DMTF1: variants seen among roughly 807,000 people sequenced by gnomAD.
DMTF1 encodes the protein cyclin D binding myb like transcription factor 1.
In DMTF1, 39 loss-of-function variants were observed where a neutral mutation model predicts 91.1. The observed-to-expected ratio is 0.43, with a 90% CI of 0.33 to 0.56. The LOEUF (loss-of-function observed/expected upper bound fraction) is 0.56. Among genes scored for constraint, DMTF1 ranks in the 20% least tolerant of loss-of-function variants. DMTF1 has a pLI of 0.05. For missense variants in DMTF1, 750 were observed against 914.5 expected, an observed-to-expected ratio of 0.82 and a Z score of 2.32; for synonymous variants, 338 against 309.5, an observed-to-expected ratio of 1.09 and a Z score of -0.97.
At position 87,181,351 on chromosome 7, in the gene DMTF1, A is replaced by C; in HGVS notation, c.710+10A>C. 8.0e-7 allele frequency: 1 copy of C among 1,243,570 alleles called. No homozygotes were observed. Among genetic ancestry groups the C allele is most frequent in the Admixed American group, 2.1e-5 (1 of 47,394 alleles). The allele number at this position is 1,243,570 out of a possible 1,614,324, so 77.0% of individuals were successfully genotyped here. On this transcript the variant is annotated intron_variant, in intron 9 of 17. Transcript: ENST00000331242. ...TTGAGAAGCTCAAGGAGTAAGTTTT[A>C]AAGTTTTTTTCATTAATTCTAATTT... is the stretch of plus-strand genomic sequence containing the variant.
In DMTF1 at chr7:87,174,664, C is replaced by G. The variant is rs1324514120; in HGVS notation, c.514C>G (p.Leu172Val). The part of the protein sequence containing the change: ...DILMNNIERY[L>V]KARGIKDATE... ...TTTGATGAACAATATTGAACGCTAT[C>G]TTAAGGTATCTTATGGCATATTTTT... is the stretch of plus-strand genomic sequence containing the variant. The change falls in exon 7 of 18, where the codon CTT becomes GTT. Residue 172 changes from leucine (L) to valine (V), a missense_variant. By Grantham distance (32) the Leu-to-Val change is conservative. Around this residue, in one of 3 missense-constraint regions of DMTF1, gnomAD observed 190 missense variants for 343.8 expected, o/e 0.55. Coordinates refer to ENST00000331242, the MANE Select transcript of DMTF1 (RefSeq NM_001142327.2). The G allele has an allele frequency of 6.3e-7, 1 of 1,598,826 alleles. No individual in the cohort carries two copies. Among genetic ancestry groups the G allele is most frequent in the East Asian group, 2.3e-5 (1 of 44,432 alleles).
At chr7:87,157,128 A>C (rs73206908) in intron 1 of DMTF1, among the ~76,000 whole-genome samples, 5,608 of 152,218 alleles carry the variant, frequency 0.037, 126 homozygotes, top group East Asian at 0.065. Context: ...GGAGAAAAAA[A>C]CATCTGAAAA....
intron 12 of DMTF1, chr7:87,187,638 C>A (rs889212273): frequency 1.2e-5 from 2 of 168,838 alleles, no homozygotes; most frequent in Admixed American, 5.8e-5. Context: ...CGCAAGAATA[C>A]CATATTACTG....
At chr7:87,181,372 A>G (rs757813318) in intron 9 of DMTF1, 31 bp downstream of exon 9, 10 of 1,089,486 alleles carry the variant, frequency 9.2e-6, no homozygotes, top group Admixed American at 4.2e-5. Flanking sequence ...CATTAATTCT[A>G]ATTTTTTATG....
At chr7:87,177,679 A>G (rs1482647946) in intron 7 of DMTF1, among the ~76,000 whole-genome samples, 1 of 152,156 alleles carries the variant, frequency 6.6e-6, no homozygotes, top group Non-Finnish European at 1.5e-5. Flanking sequence ...TCCCCGCCTC[A>G]AGGGCATGAA....
chr7:87,182,419 TGGG>T (rs1353191193), intron 10 of DMTF1, 82 bp downstream of exon 10: 1 of 1,353,918 alleles, frequency 7.4e-7, no homozygotes, highest in African/African-American at 1.4e-5. Flanking sequence ...TCTTTGCTCT[TGGG>T]GAGCGATTTA....
chr7:87,169,899 C>CA (rs1794692193), intron 4 of DMTF1, among the ~76,000 whole-genome samples: 1 of 152,292 alleles, frequency 6.6e-6, no homozygotes, highest in South Asian at 2.1e-4. Flanking sequence ...TTTCTTTACT[C>CA]ACTTTTTAGG....
At chr7:87,174,419 A>G (rs1013774368) in intron 6 of DMTF1, among the ~76,000 whole-genome samples, 174 bp from the exon 7 acceptor site, 2 of 152,136 alleles carry the variant, frequency 1.3e-5, no homozygotes, top group Admixed American at 1.3e-4. Context: ...TAGCGTAAAA[A>G]CCAGAAGTTA....
chr7:87,193,257 C>T lies in DMTF1; in HGVS notation c.1554C>T (p.Ser518=). 1.2e-6 allele frequency: 2 copies of T among 1,613,514 alleles called. No homozygotes were observed. Among genetic ancestry groups the T allele is most frequent in the East Asian group, 4.5e-5 (2 of 44,866 alleles). The change falls in exon 15 of 18, where the codon AGC becomes AGT. Residue 518 remains serine, a synonymous_variant. Coordinates refer to ENST00000331242, the MANE Select transcript of DMTF1 (RefSeq NM_001142327.2). ...PGTYLLQTSS[S]QGLPLTLTAS... ...CCTACCTACTTCAAACAAGCTCAAG[C>T]CAAGGCCTTCCCCTAACTCTGACTG...
intron 12 of DMTF1, chr7:87,186,195 C>CT: frequency 1.9e-6 from 1 of 524,500 alleles, no homozygotes; most frequent in Non-Finnish European, 3.4e-6. Context: ...AATGTACACA[C>CT]TTATTCTTGT....
chr7:87,166,437 T>TC (rs1477754908), intron 3 of DMTF1, 46 bp from the exon 4 acceptor site: 1 of 1,573,416 alleles, frequency 6.4e-7, no homozygotes, highest in Non-Finnish European at 8.6e-7. Context: ...GATTTTATTT[T>TC]CCCTCTTTGG....
chr7:87,195,197 T>A lies in DMTF1; in HGVS notation c.*57T>A. 5 of 1,264,098 alleles carry A rather than the reference T, an allele frequency of 4.0e-6. No individual in the cohort carries two copies. Among genetic ancestry groups the A allele is most frequent in the Non-Finnish European group, 5.7e-6 (5 of 874,970 alleles). The allele number at this position is 1,264,098 out of a possible 1,614,324, so 78.3% of individuals were successfully genotyped here. ...AGAAGGCACACTGTTAATTACAACCTCTTCAAAGAAATAGGAGCAACCCCC... is the reference window on the plus strand; with the variant it reads ...AGAAGGCACACTGTTAATTACAACCACTTCAAAGAAATAGGAGCAACCCCC... On this transcript the variant is annotated 3_prime_UTR_variant, in exon 18 of 18. Coordinates refer to ENST00000331242, the MANE Select transcript of DMTF1 (RefSeq NM_001142327.2).
At position 87,182,239 on chromosome 7, in the gene DMTF1, A is replaced by G. The variant is rs780269690; in HGVS notation, c.722A>G (p.Lys241Arg). Residue 241 changes from lysine (K) to arginine (R), a missense_variant, in exon 10 of 18, where the codon AAG becomes AGG. Physicochemically the swap from Lys to Arg is conservative, Grantham distance 26. Transcript: ENST00000331242. Reference protein sequence around the residue: ...EIEKLKELRIKHGNDWATIGA... With the variant: ...EIEKLKELRIRHGNDWATIGA... ...GACTCTTGTTTTAGGCTCCGGATAA[A>G]GCATGGCAATGACTGGGCAACAATA... 7 of 1,614,088 alleles carry G rather than the reference A, an allele frequency of 4.3e-6. No homozygotes were observed. The Admixed American group carries it at 1.2e-4, about 27-fold the overall frequency.
chr7:87,176,078 G>A (rs1032356006), intron 7 of DMTF1, among the ~76,000 whole-genome samples: 5 of 152,136 alleles, frequency 3.3e-5, no homozygotes, highest in African/African-American at 9.7e-5. Context: ...TTCTCCTATC[G>A]TTTGGTATAT....
chr7:87,187,882 A>C (rs1798818115), intron 12 of DMTF1: 2 of 563,624 alleles, frequency 3.5e-6, no homozygotes, highest in Admixed American at 6.3e-5. Context: ...CAAGAATAAC[A>C]ATATTAAGAA....
chr7:87,180,556 T>C (rs1797113216), intron 8 of DMTF1, among the ~76,000 whole-genome samples: 1 of 152,192 alleles, frequency 6.6e-6, no homozygotes, highest in Non-Finnish European at 1.5e-5. Flanking sequence ...CAGATGTCCA[T>C]ACCTGGGTAA....
At chr7:87,165,596 C>G (rs928635157) in intron 3 of DMTF1, among the ~76,000 whole-genome samples, 3 of 152,162 alleles carry the variant, frequency 2.0e-5, no homozygotes, top group Non-Finnish European at 4.4e-5. Context: ...TTATTTAATT[C>G]AAAGTTAGGA....
intron 1 of DMTF1, among the ~76,000 whole-genome samples, chr7:87,160,114 A>G (rs757177822): frequency 1.1e-4 from 17 of 152,158 alleles, no homozygotes; most frequent in Non-Finnish European, 2.1e-4. Context: ...TTTCTACTCT[A>G]CTATCACAAT....
At chr7:87,165,335 G>T (rs796847438) in intron 3 of DMTF1, among the ~76,000 whole-genome samples, 1 of 152,144 alleles carries the variant, frequency 6.6e-6, no homozygotes, top group Non-Finnish European at 1.5e-5. Context: ...ATTAGAAAAT[G>T]TAGAATTATT....
Sources: allele counts gnomAD v4.1 joint callset (sites outside exome capture counted in the v4.1 genomes callset), GRCh38; gene constraint gnomAD v4.1.1; regional missense constraint gnomAD v4.1.1; transcripts MANE v1.5; gene names NCBI Gene and HGNC (gene_info 2026-07-23, HGNC 2026-07-21).